The following TP63 variants were observed in gnomAD, a reference collection of about 807,000 sequenced individuals.
TP63 encodes tumor protein 63.
In TP63, 17 loss-of-function variants were observed where a neutral mutation model predicts 82.8. The observed-to-expected ratio is 0.21, with a 90% CI of 0.14 to 0.31. TP63 has a LOEUF of 0.31. TP63 is among the 10% of genes least tolerant of loss of function. TP63 has a pLI of 1.00. For synonymous variants in TP63, 330 were observed against 321.7 expected (o/e 1.03, Z -0.28); for missense variants, 648 against 895.3 (o/e 0.72, Z 3.52).
intron 5 of TP63, among the ~76,000 whole-genome samples, 180 bp from the exon 6 acceptor site, chr3:189,866,502 A>T (rs1463486920): frequency 1.3e-5 from 2 of 152,172 alleles, no homozygotes. Flanking sequence ...TATAAAGGTT[A>T]TGACACCTTC....
rs141330699 is a variant in TP63, at chr3:189,809,331, T to C, written c.579+805T>C. Among the ~76,000 whole-genome samples the C allele has an allele frequency of 7.3e-3, 1,111 of 152,288 alleles. 11 individuals carry two copies. The highest frequency in any genetic ancestry group is 0.026 in the African/African-American group (1,079 of 41,562). The stretch of plus-strand genomic sequence containing the variant: ...TTAAAAAATCTTTCTGTATATAACT[T>C]TTCTAAGGAAGCATGGAATTTTCTT... On this transcript the variant is annotated intron_variant, in intron 4 of 13. Coordinates refer to ENST00000264731, the MANE Select transcript of TP63 (RefSeq NM_003722.5).
intron 1 of TP63, among the ~76,000 whole-genome samples, chr3:189,661,223 C>G (rs1713853113): frequency 1.3e-5 from 2 of 152,028 alleles, no homozygotes; most frequent in South Asian, 2.1e-4. Flanking sequence ...GTAGATCACT[C>G]TTATTATTTT....
In TP63 at chr3:189,808,167, G is replaced by A. The variant is rs1481351534; in HGVS notation, c.325-105G>A. 1.9e-5 allele frequency: 31 copies of A among 1,590,052 alleles called. 1 individual carries two copies. In the South Asian group the frequency reaches 2.9e-4, roughly 15 times the overall value. On this transcript the variant is annotated intron_variant, in intron 3 of 13. Coordinates refer to ENST00000264731, the MANE Select transcript of TP63 (RefSeq NM_003722.5). ...ACTTTGAATGTGAAGTGCTTCCGAC[G>A]TGAGGTCCATCTCTGTAGAATGCAT...
upstream of TP63, among the ~76,000 whole-genome samples, chr3:189,627,315 A>G (rs539757064): frequency 6.6e-6 from 1 of 152,312 alleles, no homozygotes; most frequent in African/African-American, 2.4e-5. Context: ...TAATAGCTAA[A>G]CAAACAAACG....
chr3:189,788,891 A>G (rs1724839795), intron 3 of TP63, among the ~76,000 whole-genome samples: 1 of 151,898 alleles, frequency 6.6e-6, no homozygotes, highest in African/African-American at 2.4e-5. Flanking sequence ...TAAACTGGGT[A>G]CAATAAAATA....
intron 9 of TP63, 130 bp downstream of exon 9, chr3:189,869,536 A>C (rs779138893): frequency 5.8e-5 from 46 of 791,536 alleles, no homozygotes; most frequent in Non-Finnish European, 9.5e-5. Context: ...AAGCTGCTAC[A>C]ACAAACTACC....
At chr3:189,640,505 G>A (rs1226627811) in intron 1 of TP63, among the ~76,000 whole-genome samples, 10 of 152,094 alleles carry the variant, frequency 6.6e-5, no homozygotes, top group African/African-American at 2.4e-4. Flanking sequence ...CATTGTAAAT[G>A]TTGCAGTCAC....
chr3:189,662,971 T>A (rs867301066), intron 1 of TP63, among the ~76,000 whole-genome samples: 3 of 152,082 alleles, frequency 2.0e-5, no homozygotes, highest in Non-Finnish European at 4.4e-5. Flanking sequence ...CTGAATAGAT[T>A]AAGTGATTTT....
chr3:189,683,358 A>G lies in TP63; in HGVS notation c.62+51781A>G, dbSNP rs1716142359. Among the ~76,000 whole-genome samples the G allele has an allele frequency of 2.0e-5, 3 of 152,338 alleles. No homozygotes were observed. In the South Asian group the frequency reaches 6.2e-4, roughly 32 times the overall value. On this transcript the variant is annotated intron_variant, in intron 1 of 13. Coordinates refer to ENST00000264731, the MANE Select transcript of TP63 (RefSeq NM_003722.5). ...TATGTTGCCCAAGGCTTATGTCAGT[A>G]TGTGGCAGAGCTAAAATAAAGCCAC...
intron 3 of TP63, among the ~76,000 whole-genome samples, chr3:189,760,595 T>G (rs1295802731): frequency 6.6e-6 from 1 of 152,170 alleles, no homozygotes; most frequent in East Asian, 1.9e-4. Context: ...CTGGCTGCCT[T>G]CATGGGCTGG....
intron 1 of TP63, among the ~76,000 whole-genome samples, chr3:189,736,070 TA>T: frequency 6.7e-6 from 1 of 150,240 alleles, no homozygotes; most frequent in South Asian, 2.1e-4. Context: ...TTATTTAAAA[TA>T]TTTTGAGATA....
At chr3:189,674,572 C>T (rs1206132505) in intron 1 of TP63, among the ~76,000 whole-genome samples, 1 of 152,098 alleles carries the variant, frequency 6.6e-6, no homozygotes, top group South Asian at 2.1e-4. Flanking sequence ...AAAATTTTCC[C>T]TTAGCCAGAC....
At chr3:189,788,856 C>A (rs1210470285) in intron 3 of TP63, among the ~76,000 whole-genome samples, 1 of 150,636 alleles carries the variant, frequency 6.6e-6, no homozygotes, top group African/African-American at 2.4e-5. Flanking sequence ...TTTTTATTAC[C>A]TATTCACAAG....
Position 189,864,369 on chromosome 3 carries a change from G to A in TP63, c.717G>A (p.Glu239=). The change falls in exon 5 of 14, where the codon GAG becomes GAA. Residue 239 remains glutamate, a synonymous_variant. Coordinates refer to ENST00000264731, the MANE Select transcript of TP63 (RefSeq NM_003722.5). The part of the protein sequence containing the change: ...PVYKKAEHVT[E]VVKRCPNHEL... The stretch of plus-strand genomic sequence containing the variant: ...ACAAAAAAGCTGAGCACGTCACGGA[G>A]GTGGTGAAGCGGTGCCCCAACCATG... 2 of 1,614,014 alleles carry A rather than the reference G, an allele frequency of 1.2e-6. No homozygotes were observed. The highest frequency in any genetic ancestry group is 1.7e-6 in the Non-Finnish European group (2 of 1,179,972).
chr3:189,672,822 GT>G lies in TP63; in HGVS notation c.62+41252del, dbSNP rs569576504. 5.3e-5 allele frequency among the ~76,000 whole-genome samples: 8 copies of G among 152,058 alleles called. No homozygotes were observed. The East Asian group carries it at 9.7e-4, about 18-fold the overall frequency. The stretch of plus-strand genomic sequence containing the variant: ...GAGAATTAAACAAAGCCAACAATTG[GT>G]TTTTTTAACATAATTAATACAAACA... On this transcript the variant is annotated intron_variant, in intron 1 of 13. Transcript: ENST00000264731.
intron 1 of TP63, among the ~76,000 whole-genome samples, chr3:189,719,114 A>T (rs759292544): frequency 3.7e-4 from 57 of 152,114 alleles, no homozygotes; most frequent in Admixed American, 2.0e-3. Flanking sequence ...ACAGATGCAG[A>T]CAAGGACAAA....
chr3:189,753,554 T>TA (rs1487891775), intron 3 of TP63, among the ~76,000 whole-genome samples: 1 of 152,058 alleles, frequency 6.6e-6, no homozygotes, highest in East Asian at 1.9e-4. Flanking sequence ...AACCTACTTT[T>TA]ATCATTACAT....
chr3:189,663,468 C>T (rs934722425), intron 1 of TP63, among the ~76,000 whole-genome samples: 8 of 148,598 alleles, frequency 5.4e-5, no homozygotes, highest in Non-Finnish European at 1.2e-4. Flanking sequence ...CAATTTCAGG[C>T]AAGATGAACT....
intron 13 of TP63, among the ~76,000 whole-genome samples, chr3:189,891,389 G>T (rs972775297): frequency 1.3e-5 from 2 of 152,136 alleles, no homozygotes; most frequent in Admixed American, 1.3e-4. Flanking sequence ...GGCCTTTTCT[G>T]CCTTTCTTTA....
Sources: gnomAD v4.1 joint callset for allele counts (sites outside exome capture counted in the v4.1 genomes callset) on GRCh38, gnomAD v4.1.1 for gene constraint, MANE v1.5 for transcripts, NCBI Gene and HGNC (gene_info 2026-07-23, HGNC 2026-07-21) for gene names.